The following GYS2 variants were observed in gnomAD, a reference collection of about 807,000 sequenced individuals.
GYS2 encodes the protein glycogen synthase 2, also known as glycogen [starch] synthase, liver.
In GYS2, 80 loss-of-function variants were observed where a neutral mutation model predicts 85.6. The ratio of observed to expected loss-of-function variants is 0.93; its 90% CI spans 0.78 to 1.13. The LOEUF is 1.13. GYS2 is among the 50% of genes most tolerant of loss of function. The pLI is 0.00. For synonymous variants in GYS2, 328 were observed against 300.7 expected (o/e 1.09, Z -0.94); for missense variants, 881 against 854.9 (o/e 1.03, Z -0.38).
downstream of GYS2, among the ~76,000 whole-genome samples, chr12:21,535,516 C>G (rs1184379613): frequency 1.3e-5 from 2 of 152,186 alleles, no homozygotes; most frequent in African/African-American, 4.8e-5. Flanking sequence ...TATTTCTCTT[C>G]TTTCTGGACA....
intron 3 of GYS2, among the ~76,000 whole-genome samples, chr12:21,575,586 TTAAG>T (rs989641415): frequency 2.7e-4 from 41 of 152,170 alleles, no homozygotes; most frequent in African/African-American, 9.4e-4. Flanking sequence ...TATATATATA[TTAAG>T]TATCATCTAT....
chr12:21,595,985 G>A (rs968984324), intron 1 of GYS2, among the ~76,000 whole-genome samples: 3 of 152,058 alleles, frequency 2.0e-5, no homozygotes, highest in African/African-American at 7.2e-5. Context: ...AATAACCACA[G>A]AACACACATT....
intron 1 of GYS2, among the ~76,000 whole-genome samples, chr12:21,581,876 T>C (rs1234967832): frequency 6.6e-6 from 1 of 152,086 alleles, no homozygotes; most frequent in African/African-American, 2.4e-5. Context: ...GGGGGTAAAA[T>C]AATATTTAGT....
At chr12:21,538,443 A>T (rs1943935018) in intron 15 of GYS2, among the ~76,000 whole-genome samples, 2 of 152,112 alleles carry the variant, frequency 1.3e-5, no homozygotes, top group African/African-American at 4.8e-5. Context: ...TCTCTGAATG[A>T]CTCTTATAAG....
At chr12:21,567,034 G>T (rs962252205) in intron 5 of GYS2, among the ~76,000 whole-genome samples, 10 of 152,110 alleles carry the variant, frequency 6.6e-5, no homozygotes, top group African/African-American at 2.4e-4. Context: ...GCAGTGTCAT[G>T]AAAAATAATG....
At chr12:21,600,043 A>G (rs1944737706) in intron 1 of GYS2, among the ~76,000 whole-genome samples, 1 of 152,204 alleles carries the variant, frequency 6.6e-6, no homozygotes, top group South Asian at 2.1e-4. Context: ...GGAATTCCAA[A>G]TCATGCAGTC....
chr12:21,570,578 A>G (rs1311368448), intron 4 of GYS2, among the ~76,000 whole-genome samples: 1 of 152,250 alleles, frequency 6.6e-6, no homozygotes, highest in Non-Finnish European at 1.5e-5. Context: ...TTGGACCAGG[A>G]TATGAAAGTT....
At chr12:21,585,661 C>T (rs114534254) in intron 1 of GYS2, among the ~76,000 whole-genome samples, 4,104 of 151,942 alleles carry the variant, frequency 0.027, 188 homozygotes, top group African/African-American at 0.093. Context: ...ATACCAGCTA[C>T]GATCACGTGA....
At chr12:21,568,083 AGAAAAAGGGGTC>A (rs1944343553) in intron 5 of GYS2, among the ~76,000 whole-genome samples, 1 of 151,964 alleles carries the variant, frequency 6.6e-6, no homozygotes, top group African/African-American at 2.4e-5. Context: ...AAAAAAAAAA[AGAAAAAGGGGTC>A]GAAATCACTG....
chr12:21,564,437 A>G (rs1284269360), intron 5 of GYS2, among the ~76,000 whole-genome samples: 2 of 12,008 alleles, frequency 1.7e-4, no homozygotes, highest in Non-Finnish European at 4.9e-4. Context: ...TCTCAAAAGA[A>G]AAAAAAAAAG....
At chr12:21,561,329 C>T (rs149894297) in intron 7 of GYS2, among the ~76,000 whole-genome samples, 40 of 152,250 alleles carry the variant, frequency 2.6e-4, no homozygotes, top group African/African-American at 9.1e-4. Flanking sequence ...CACTTAAAAT[C>T]ATGAACCTCT....
intron 2 of GYS2, among the ~76,000 whole-genome samples, chr12:21,576,796 G>C (rs993356974): frequency 6.6e-6 from 1 of 151,526 alleles, no homozygotes; most frequent in Non-Finnish European, 1.5e-5. Context: ...TTCCTTTTTT[G>C]TCTCCATATT....
chr12:21,599,396 C>A (rs1356606012), intron 1 of GYS2, among the ~76,000 whole-genome samples: 1 of 152,122 alleles, frequency 6.6e-6, no homozygotes, highest in Non-Finnish European at 1.5e-5. Context: ...TTTTCTAGAT[C>A]CTCAGTTAAA....
intron 5 of GYS2, among the ~76,000 whole-genome samples, chr12:21,567,294 T>C (rs1412777862): frequency 1.3e-5 from 2 of 152,114 alleles, no homozygotes; most frequent in Non-Finnish European, 2.9e-5. Flanking sequence ...AGAGAAATTT[T>C]CATTTTAGAA....
intron 11 of GYS2, among the ~76,000 whole-genome samples, chr12:21,553,740 A>G (rs1437701953): frequency 2.0e-5 from 3 of 152,168 alleles, no homozygotes; most frequent in African/African-American, 7.2e-5. Flanking sequence ...ATGTAGTAAC[A>G]TTAACACTAA....
chr12:21,588,784 C>T (rs1944601848), intron 1 of GYS2, among the ~76,000 whole-genome samples: 1 of 152,214 alleles, frequency 6.6e-6, no homozygotes. Context: ...ATGTCATCTA[C>T]TACATCTAAG....
At chr12:21,571,857 G>A in intron 4 of GYS2, among the ~76,000 whole-genome samples, 1 of 151,984 alleles carries the variant, frequency 6.6e-6, no homozygotes, top group East Asian at 1.9e-4. Flanking sequence ...ACCTACTCAG[G>A]AGGCTGAGGC....
In GYS2 at chr12:21,576,019, A is replaced by G. The variant is rs751648227; in HGVS notation, c.342T>C (p.Tyr114=). The change falls in exon 3 of 16, where the codon TAT becomes TAC. Residue 114 remains tyrosine (Y), a synonymous_variant. Coordinates refer to ENST00000261195, the MANE Select transcript of GYS2 (RefSeq NM_021957.4). ...FGRWLIEGSP[Y]VVLFDIGYSA... ...AATAGCCTATGTCAAAAAGTACCAC[A>G]TAAGGACTTCCTTCTATCAGCCATC... 3 of 1,613,658 alleles carry G rather than the reference A, an allele frequency of 1.9e-6. No homozygotes were observed. Among genetic ancestry groups the G allele is most frequent in the South Asian group, 2.2e-5 (2 of 91,076 alleles).
chr12:21,601,913 G>C (rs966796108), intron 1 of GYS2, among the ~76,000 whole-genome samples: 1 of 152,050 alleles, frequency 6.6e-6, no homozygotes, highest in Admixed American at 6.6e-5. Context: ...AATTAAAAAG[G>C]TTATTTTGAA....
Sources: allele counts gnomAD v4.1 joint callset (sites outside exome capture counted in the v4.1 genomes callset), GRCh38; gene constraint gnomAD v4.1.1; transcripts MANE v1.5; gene names NCBI Gene and HGNC (gene_info 2026-07-23, HGNC 2026-07-21).